RNF216: variants seen among roughly 807,000 people sequenced by gnomAD.
The protein encoded by RNF216 is E3 ubiquitin-protein ligase RNF216.
A neutral mutation model predicts 110.8 loss-of-function variants in RNF216; 72 were observed. The ratio of observed to expected loss-of-function variants is 0.65; its 90% confidence interval spans 0.54 to 0.79. RNF216 has a LOEUF of 0.79. Among genes scored for constraint, RNF216 ranks in the 30% least tolerant of loss-of-function variants. The probability of loss-of-function intolerance (pLI) is 0.00; values close to 1 mark genes in which losing one functional copy is unlikely to be tolerated. For synonymous variants in RNF216, 495 were observed against 407.5 expected, an observed-to-expected ratio of 1.21 and a Z score of -2.59; for missense variants, 1,342 against 1,141.2, an observed-to-expected ratio of 1.18 and a Z score of -2.54.
At chr7:5,679,123 A>G (rs1015588949) in intron 13 of RNF216, among the ~76,000 whole-genome samples, 3 of 152,202 alleles carry the variant, frequency 2.0e-5, no homozygotes, top group Admixed American at 6.5e-5. Flanking sequence ...TGGATGAAAC[A>G]TCTTAGTTAT....
intron 3 of RNF216, among the ~76,000 whole-genome samples, chr7:5,750,113 T>C (rs541799723): frequency 6.6e-6 from 1 of 152,354 alleles, no homozygotes; most frequent in African/African-American, 2.4e-5. Flanking sequence ...TCTGTCCTTT[T>C]AATAAAAGGA....
At chr7:5,695,102 A>T (rs1791544839) in intron 13 of RNF216, among the ~76,000 whole-genome samples, 1 of 152,226 alleles carries the variant, frequency 6.6e-6, no homozygotes, top group African/African-American at 2.4e-5. Context: ...ATATATAGCC[A>T]AGAAGTTCAA....
chr7:5,687,409 A>AAAAAG (rs1554251845), intron 13 of RNF216, among the ~76,000 whole-genome samples: 5 of 150,302 alleles, frequency 3.3e-5, no homozygotes, highest in Non-Finnish European at 7.4e-5. Flanking sequence ...AAAAAAAAAA[A>AAAAAG]AAAAAGAAAA....
chr7:5,734,480 C>T (rs898424755), intron 5 of RNF216, among the ~76,000 whole-genome samples: 12 of 152,064 alleles, frequency 7.9e-5, no homozygotes, highest in Non-Finnish European at 1.8e-4. Context: ...TGCATCTTTA[C>T]TTTGTTCATT....
chr7:5,723,231 G>C (rs1431160833), intron 8 of RNF216, among the ~76,000 whole-genome samples: 1 of 152,124 alleles, frequency 6.6e-6, no homozygotes, highest in African/African-American at 2.4e-5. Context: ...GTTAATTACT[G>C]TAATTATCAA....
chr7:5,716,634 C>A, intron 10 of RNF216, 82 bp downstream of exon 10: 1 of 1,169,556 alleles, frequency 8.6e-7, no homozygotes, highest in Non-Finnish European at 1.2e-6. Context: ...ACAAATTTGC[C>A]ATCAAAAATG....
In RNF216 at chr7:5,715,067, A is replaced by C; in HGVS notation, c.1819T>G (p.Phe607Val). 2 of 1,613,318 alleles carry C rather than the reference A, an allele frequency of 1.2e-6. No individual in the cohort carries two copies. The highest frequency in any genetic ancestry group is 8.5e-7 in the Non-Finnish European group (1 of 1,179,714). ...ACAGTTCTTACCTTTCCAGATCCAA[A>C]GACTGCCTCTTGGGCATATCTGATG... ...CLIRYAQEAV[F>V]GSGKLELSCM... The change falls in exon 11 of 17, where the codon TTT becomes GTT. Residue 607 changes from phenylalanine to valine, a missense_variant. By Grantham distance (50) the Phe-to-Val change is conservative (BLOSUM62 -1). Transcript: ENST00000389902.
intron 8 of RNF216, 50 bp from the exon 9 acceptor site, chr7:5,721,222 A>C: frequency 6.4e-7 from 1 of 1,560,322 alleles, no homozygotes. Flanking sequence ...ATGTGTTAGG[A>C]ACCTGGGCCA....
chr7:5,640,913 G>C (rs965229127), intron 15 of RNF216, among the ~76,000 whole-genome samples: 6 of 152,218 alleles, frequency 3.9e-5, no homozygotes, highest in African/African-American at 1.4e-4. Flanking sequence ...AGGGCACAGA[G>C]TTTTATTTCC....
intron 15 of RNF216, among the ~76,000 whole-genome samples, chr7:5,627,917 G>A (rs569899042): frequency 3.9e-5 from 6 of 152,244 alleles, no homozygotes; most frequent in African/African-American, 1.4e-4. Context: ...CTAAGCTTCC[G>A]TGATAAATCC....
intron 1 of RNF216, among the ~76,000 whole-genome samples, chr7:5,764,157 C>T (rs1375237805): frequency 6.6e-6 from 1 of 150,858 alleles, no homozygotes; most frequent in Non-Finnish European, 1.5e-5. Context: ...CACGCCATTG[C>T]ACTCCAGGTT....
chr7:5,771,669 G>A (rs55678664), intron 1 of RNF216, among the ~76,000 whole-genome samples: 11,775 of 152,034 alleles, frequency 0.077, 541 homozygotes, highest in East Asian at 0.12. Flanking sequence ...CGCAGTAGCG[G>A]GCACCTAGTC....
chr7:5,774,492 T>A (rs1158422711), intron 1 of RNF216, among the ~76,000 whole-genome samples: 1 of 152,238 alleles, frequency 6.6e-6, no homozygotes, highest in African/African-American at 2.4e-5. Context: ...CTAAATCAGT[T>A]GAATTACATG....
intron 13 of RNF216, among the ~76,000 whole-genome samples, chr7:5,701,635 T>G (rs1791979365): frequency 6.6e-6 from 1 of 152,222 alleles, no homozygotes; most frequent in African/African-American, 2.4e-5. Flanking sequence ...GTCACAAAGC[T>G]AGTGAGTGGA....
chr7:5,703,425 G>C (rs935840023), intron 13 of RNF216, among the ~76,000 whole-genome samples: 2 of 152,340 alleles, frequency 1.3e-5, no homozygotes. Context: ...TTGATAGCTG[G>C]TCCACACTCA....
Position 5,739,267 on chromosome 7 carries a change from T to C in RNF216, c.1121+9A>G, listed in dbSNP as rs1388712978. ...CACCACCACAAAAAAAGCATGGTAG[T>C]ATACTTACACATTCAGATCATAATA... On this transcript the variant is annotated intron_variant, in intron 5 of 16. Coordinates refer to ENST00000389902, the MANE Select transcript of RNF216 (RefSeq NM_207111.4). 2.5e-6 allele frequency: 4 copies of C among 1,570,730 alleles called. No homozygotes were observed. The Admixed American group carries it at 8.2e-5, about 32-fold the overall frequency.
chr7:5,726,926 T>G lies in RNF216; in HGVS notation c.1390-1488A>C, dbSNP rs112410918. On this transcript the variant is annotated intron_variant, in intron 7 of 16. Coordinates refer to ENST00000389902, the MANE Select transcript of RNF216 (RefSeq NM_207111.4). Reference sequence around the variant, plus strand: ...ACAGGAGGGAGAAGGGGTACCTGATTTGAAACGGAAGGAAGGGTGTGTGAG... The same window carrying G: ...ACAGGAGGGAGAAGGGGTACCTGATGTGAAACGGAAGGAAGGGTGTGTGAG... Among the ~76,000 whole-genome samples, 382 of 151,486 alleles carry G rather than the reference T, an allele frequency of 2.5e-3. 4 individuals are homozygous for G. Among genetic ancestry groups the G allele is most frequent in the Middle Eastern group, 0.011 (3 of 284 alleles).
intron 13 of RNF216, among the ~76,000 whole-genome samples, chr7:5,682,484 T>C (rs1029712146): frequency 6.6e-6 from 1 of 151,830 alleles, no homozygotes; most frequent in Non-Finnish European, 1.5e-5. Context: ...CTTGTCTTAC[T>C]GCAACCCCTG....
At chr7:5,749,214 G>A (rs1209178688) in intron 3 of RNF216, among the ~76,000 whole-genome samples, 1 of 148,502 alleles carries the variant, frequency 6.7e-6, no homozygotes, top group African/African-American at 2.5e-5. Context: ...GCAGTGGCGT[G>A]ATCTTGGCTC....
Sources: allele counts gnomAD v4.1 joint callset (sites outside exome capture counted in the v4.1 genomes callset), GRCh38; gene constraint gnomAD v4.1.1; transcripts MANE v1.5; gene names NCBI Gene and HGNC (gene_info 2026-07-23, HGNC 2026-07-21).